The following NECAB1 variants were observed in gnomAD, a reference collection of about 807,000 sequenced individuals.
NECAB1 encodes the protein N-terminal EF-hand calcium-binding protein 1.
A neutral mutation model predicts 57.5 loss-of-function variants in NECAB1; 29 were observed. That is an observed-to-expected ratio of 0.50 (90% CI 0.38 to 0.69). The LOEUF (loss-of-function observed/expected upper bound fraction) is 0.69, where lower values mean the gene tolerates loss of function less well. Ranked by LOEUF, NECAB1 falls within the 30% of genes least tolerant of loss-of-function variation. The probability of loss-of-function intolerance (pLI) is 0.00; values close to 1 mark genes in which losing one functional copy is unlikely to be tolerated. For synonymous variants in NECAB1, 142 were observed against 147.7 expected (o/e 0.96, Z 0.28); for missense variants, 372 against 413.8 (o/e 0.90, Z 0.88).
rs533702091 is a variant in NECAB1 at position 90,903,449 on chromosome 8, G to A, written c.358-14043G>A. On this transcript the variant is annotated intron_variant, in intron 5 of 12. Transcript: ENST00000417640. Reference sequence around the variant, plus strand: ...TAATTGTAGGTTTGTTATAATAAAAGTCAGTAGAGTTTTAAGGTAGTTACT... The same window carrying A: ...TAATTGTAGGTTTGTTATAATAAAAATCAGTAGAGTTTTAAGGTAGTTACT... Among the ~76,000 whole-genome samples, 15 of 152,184 alleles carry A rather than the reference G, an allele frequency of 9.9e-5. No individual in the cohort carries two copies. In the South Asian group the frequency reaches 2.9e-3, roughly 30 times the overall value.
At chr8:90,827,796 A>G (rs1021167584) in intron 3 of NECAB1, among the ~76,000 whole-genome samples, 7 of 152,026 alleles carry the variant, frequency 4.6e-5, no homozygotes, top group African/African-American at 1.7e-4. Context: ...ATAGTGCAGT[A>G]TAATTATTTT....
chr8:90,850,808 TA>T (rs1254606619), intron 3 of NECAB1, among the ~76,000 whole-genome samples: 1 of 152,242 alleles, frequency 6.6e-6, no homozygotes, highest in Non-Finnish European at 1.5e-5. Flanking sequence ...ATAGAGCTTC[TA>T]AATGCCTTGG....
intron 5 of NECAB1, among the ~76,000 whole-genome samples, chr8:90,910,060 G>A (rs1048371290): frequency 4.0e-5 from 6 of 151,718 alleles, no homozygotes; most frequent in African/African-American, 9.7e-5. Context: ...GGTATTACAT[G>A]TAATGTTTAT....
intron 2 of NECAB1, among the ~76,000 whole-genome samples, chr8:90,818,424 A>G (rs965801913): frequency 3.3e-5 from 5 of 152,008 alleles, no homozygotes; most frequent in South Asian, 2.1e-4. Flanking sequence ...TTGCAGAGCA[A>G]TTCTGCTCAC....
chr8:90,930,579 C>T (rs1166810140), intron 8 of NECAB1, among the ~76,000 whole-genome samples: 1 of 152,082 alleles, frequency 6.6e-6, no homozygotes. Context: ...TGGGTAAGGT[C>T]TCTGAAAAGG....
At chr8:90,922,485 G>GGTTTTTTTTTTTTTTTT (rs1586127873) in intron 6 of NECAB1, among the ~76,000 whole-genome samples, 1 of 65,222 alleles carries the variant, frequency 1.5e-5, no homozygotes, top group Admixed American at 2.3e-4. Flanking sequence ...CAAAAACTTG[G>GGTTTTTTTTTTTTTTTT]ATTTTTTTTT....
intron 5 of NECAB1, among the ~76,000 whole-genome samples, chr8:90,882,516 C>T (rs1808863368): frequency 6.6e-6 from 1 of 151,878 alleles, no homozygotes; most frequent in South Asian, 2.1e-4. Flanking sequence ...ATAATAACTT[C>T]ATCCCTTGGA....
intron 3 of NECAB1, among the ~76,000 whole-genome samples, chr8:90,861,054 A>G (rs1812892860): frequency 6.6e-6 from 1 of 152,210 alleles, no homozygotes; most frequent in Admixed American, 6.5e-5. Flanking sequence ...GACAGAAGAC[A>G]CTTTTGCAGA....
chr8:90,943,637 G>A (rs1810728148), intron 10 of NECAB1, among the ~76,000 whole-genome samples: 1 of 152,206 alleles, frequency 6.6e-6, no homozygotes, highest in South Asian at 2.1e-4. Flanking sequence ...CTCTGTGAAT[G>A]TCAGAGGTTC....
intron 2 of NECAB1, chr8:90,806,769 G>A (rs1811853281): frequency 6.6e-6 from 1 of 152,210 alleles, no homozygotes; most frequent in Non-Finnish European, 1.5e-5. Flanking sequence ...TCATAAAGTT[G>A]TTTTGAGAAT....
intron 10 of NECAB1, 82 bp downstream of exon 10, chr8:90,940,980 G>A: frequency 2.0e-6 from 2 of 1,023,010 alleles, no homozygotes; most frequent in Non-Finnish European, 3.0e-6. Context: ...GACAAGGCTG[G>A]GGGTCTAGAA....
At chr8:90,873,264 A>G (rs1808652686) in intron 4 of NECAB1, among the ~76,000 whole-genome samples, 1 of 152,328 alleles carries the variant, frequency 6.6e-6, no homozygotes, top group South Asian at 2.1e-4. Flanking sequence ...TTTATGGAGG[A>G]GCAAGGTACT....
chr8:90,843,669 T>TA (rs999665803), intron 3 of NECAB1, among the ~76,000 whole-genome samples: 2 of 152,248 alleles, frequency 1.3e-5, no homozygotes, highest in African/African-American at 4.8e-5. Flanking sequence ...TCATTTCGCT[T>TA]AAACAGATAT....
At chr8:90,819,703 T>C (rs1812112886) in intron 2 of NECAB1, among the ~76,000 whole-genome samples, 1 of 151,896 alleles carries the variant, frequency 6.6e-6, no homozygotes, top group Non-Finnish European at 1.5e-5. Flanking sequence ...TGTGGGCGTG[T>C]GTGCCTGGGC....
chr8:90,806,126 A>G (rs1205330707), intron 2 of NECAB1, among the ~76,000 whole-genome samples: 1 of 152,214 alleles, frequency 6.6e-6, no homozygotes, highest in Admixed American at 6.5e-5. Context: ...GCACCATTGG[A>G]TTCCTCTTGT....
At chr8:90,928,134 CAGGGTT>C in intron 7 of NECAB1, 83 bp from the exon 8 acceptor site, 6 of 975,632 alleles carry the variant, frequency 6.1e-6, no homozygotes, top group Non-Finnish European at 9.5e-6. Context: ...ATCTTTCCTT[CAGGGTT>C]GAAGGAAAGC....
chr8:90,830,614 A>T (rs1308882589), intron 3 of NECAB1, among the ~76,000 whole-genome samples: 1 of 152,128 alleles, frequency 6.6e-6, no homozygotes, highest in Non-Finnish European at 1.5e-5. Context: ...GAGAACACAG[A>T]GTCCAGTTAG....
At chr8:90,854,379 A>T (rs894134489) in intron 3 of NECAB1, among the ~76,000 whole-genome samples, 1 of 152,184 alleles carries the variant, frequency 6.6e-6, no homozygotes, top group Non-Finnish European at 1.5e-5. Context: ...GAGCACTGTG[A>T]TCTGGGTACT....
rs1044733182 is a variant in NECAB1, at chr8:90,958,145, A to C, written c.*2633A>C. ...TGACAAATTGCAGGAGATTTAATGT[A>C]TAAAATTTCTAGGAATTAAAAGCTT... On this transcript the variant is annotated 3_prime_UTR_variant, in exon 13 of 13. Transcript: ENST00000417640. 1 of 150,074 alleles carries C rather than the reference A, an allele frequency of 6.7e-6. No individual in the cohort carries two copies. The highest frequency in any genetic ancestry group is 2.5e-5 in the African/African-American group (1 of 40,798). 9.3% of individuals were successfully genotyped at this position (150,074 alleles called of 1,614,324 possible). A position where few individuals can be genotyped will look rare whatever the true frequency, so the allele number is the denominator to read the frequency against.
Sources: allele counts gnomAD v4.1 joint callset (sites outside exome capture counted in the v4.1 genomes callset), GRCh38; gene constraint gnomAD v4.1.1; transcripts MANE v1.5; gene names NCBI Gene and HGNC (gene_info 2026-07-23, HGNC 2026-07-21).